The following DDAH1 variants were observed in gnomAD, a reference collection of about 807,000 sequenced individuals.
DDAH1 encodes N(G),N(G)-dimethylarginine dimethylaminohydrolase 1.
Under a neutral mutation model 28.8 loss-of-function variants are expected in DDAH1, and 19 were observed. The ratio of observed to expected loss-of-function variants is 0.66; its 90% confidence interval spans 0.46 to 0.97. The LOEUF is 0.97. Among genes scored for constraint, DDAH1 ranks in the 50% least tolerant of loss-of-function variants. The pLI is 0.00. For synonymous variants in DDAH1, 153 were observed against 154.4 expected, an observed-to-expected ratio of 0.99 and a Z score of 0.07; for missense variants, 326 against 375.9, an observed-to-expected ratio of 0.87 and a Z score of 1.10.
chr1:85,573,463 G>A (rs1274148079), intron 1 of DDAH1, among the ~76,000 whole-genome samples: 1 of 152,200 alleles, frequency 6.6e-6, no homozygotes, highest in Non-Finnish European at 1.5e-5. Context: ...ATGGATTGCA[G>A]GGTGTGGTGG....
At chr1:85,576,437 GGA>G (rs1659606733) in intron 1 of DDAH1, among the ~76,000 whole-genome samples, 5 of 152,192 alleles carry the variant, frequency 3.3e-5, no homozygotes, top group Admixed American at 3.3e-4. Context: ...GAGGAAGAGG[GGA>G]AGGGGTCGTG....
chr1:85,330,278 G>C (rs1647679399), intron 4 of DDAH1, among the ~76,000 whole-genome samples: 1 of 152,198 alleles, frequency 6.6e-6, no homozygotes, highest in Non-Finnish European at 1.5e-5. Context: ...GGCTCCTGAG[G>C]ACTGAGCAAC....
intron 1 of DDAH1, among the ~76,000 whole-genome samples, chr1:85,510,802 A>G (rs1391573975): frequency 1.3e-5 from 2 of 152,250 alleles, no homozygotes; most frequent in Admixed American, 6.5e-5. Context: ...AGAGCTAACT[A>G]TCCTAAATAT....
intron 1 of DDAH1, among the ~76,000 whole-genome samples, chr1:85,570,189 G>T (rs1398661240): frequency 6.6e-6 from 1 of 152,140 alleles, no homozygotes; most frequent in Non-Finnish European, 1.5e-5. Context: ...CATAGCAAGT[G>T]TACCCTCTGA....
intron 1 of DDAH1, among the ~76,000 whole-genome samples, chr1:85,530,193 C>A (rs1435177816): frequency 3.9e-5 from 6 of 152,150 alleles, no homozygotes; most frequent in African/African-American, 7.2e-5. Context: ...TTGCTATGGA[C>A]AGCATGGTCC....
intron 1 of DDAH1, among the ~76,000 whole-genome samples, chr1:85,441,823 T>A (rs1410216764): frequency 2.0e-5 from 3 of 152,256 alleles, no homozygotes; most frequent in Non-Finnish European, 4.4e-5. Flanking sequence ...AAGAAAGATC[T>A]GTCTTATATC....
At chr1:85,508,270 T>C (rs972492309) in intron 1 of DDAH1, among the ~76,000 whole-genome samples, 28 of 152,364 alleles carry the variant, frequency 1.8e-4, no homozygotes, top group African/African-American at 6.7e-4. Flanking sequence ...CACTCCTTCA[T>C]TGGCATTCTT....
At chr1:85,519,937 A>C (rs1476341776) in intron 1 of DDAH1, among the ~76,000 whole-genome samples, 1 of 151,962 alleles carries the variant, frequency 6.6e-6, no homozygotes, top group Admixed American at 6.6e-5. Context: ...AAAGGATATC[A>C]ACTATATTTG....
chr1:85,547,811 A>G (rs1198058635), intron 1 of DDAH1, among the ~76,000 whole-genome samples: 1 of 152,236 alleles, frequency 6.6e-6, no homozygotes, highest in East Asian at 1.9e-4. Flanking sequence ...ACAAGACCAG[A>G]GGAAATGGAT....
At chr1:85,448,933 T>G (rs978292551) in intron 1 of DDAH1, among the ~76,000 whole-genome samples, 1 of 152,202 alleles carries the variant, frequency 6.6e-6, no homozygotes, top group African/African-American at 2.4e-5. Flanking sequence ...TAGCATTTAA[T>G]TGATAAGCTA....
chr1:85,487,389 G>A (rs1026652889), intron 2 of DDAH1, among the ~76,000 whole-genome samples: 1 of 152,198 alleles, frequency 6.6e-6, no homozygotes, highest in African/African-American at 2.4e-5. Context: ...TTAAAGAGCT[G>A]ACTGGGAAAG....
At chr1:85,496,333 C>T (rs1009882657) in intron 1 of DDAH1, 1 of 347,486 alleles carries the variant, frequency 2.9e-6, no homozygotes, top group Non-Finnish European at 4.0e-6. Context: ...ATTTTAATAC[C>T]TCTAATATAT....
At chr1:85,518,618 G>T (rs1241539288) in intron 1 of DDAH1, among the ~76,000 whole-genome samples, 2 of 152,094 alleles carry the variant, frequency 1.3e-5, no homozygotes, top group Non-Finnish European at 2.9e-5. Context: ...AACCCAGCTG[G>T]AAAAGGCTCT....
At chr1:85,508,553 T>A (rs1365425130) in intron 1 of DDAH1, among the ~76,000 whole-genome samples, 1 of 152,150 alleles carries the variant, frequency 6.6e-6, no homozygotes, top group Non-Finnish European at 1.5e-5. Context: ...GCTGGGAGAT[T>A]TCCATTTCCT....
intron 1 of DDAH1, among the ~76,000 whole-genome samples, chr1:85,575,611 A>G (rs1450334292): frequency 6.6e-6 from 1 of 152,234 alleles, no homozygotes; most frequent in Non-Finnish European, 1.5e-5. Flanking sequence ...TAATTTATCA[A>G]CTATTTTTTA....
At chr1:85,352,326 G>A (rs548384859) in intron 2 of DDAH1, among the ~76,000 whole-genome samples, 41 of 152,202 alleles carry the variant, frequency 2.7e-4, no homozygotes, top group Non-Finnish European at 5.0e-4. Flanking sequence ...GTGGGTTGCC[G>A]CCTTGCACCC....
At chr1:85,331,216 C>T (rs911276673) in intron 4 of DDAH1, among the ~76,000 whole-genome samples, 1 of 152,208 alleles carries the variant, frequency 6.6e-6, no homozygotes, top group African/African-American at 2.4e-5. Flanking sequence ...TGAAAGCCCA[C>T]TCCATTCTCT....
intron 4 of DDAH1, among the ~76,000 whole-genome samples, chr1:85,329,500 A>G (rs749132690): frequency 3.3e-5 from 5 of 152,166 alleles, no homozygotes; most frequent in African/African-American, 4.8e-5. Flanking sequence ...ACATTCCTAT[A>G]CTTACTAACA....
At chr1:85,348,420 T>G (rs1287464898) in intron 4 of DDAH1, among the ~76,000 whole-genome samples, 1 of 152,176 alleles carries the variant, frequency 6.6e-6, no homozygotes, top group African/African-American at 2.4e-5. Flanking sequence ...TCCCTCACGG[T>G]GATAATCTTG....
Sources: gnomAD v4.1 joint callset for allele counts (sites outside exome capture counted in the v4.1 genomes callset) on GRCh38, gnomAD v4.1.1 for gene constraint, MANE v1.5 for transcripts, NCBI Gene and HGNC (gene_info 2026-07-23, HGNC 2026-07-21) for gene names.